The following HLCS variants were observed in gnomAD, a reference collection of about 807,000 sequenced individuals.
The protein encoded by HLCS is biotin--protein ligase.
In HLCS, 53 loss-of-function variants were observed where a neutral mutation model predicts 75.0. The ratio of observed to expected loss-of-function variants is 0.71; its 90% CI spans 0.57 to 0.89. The LOEUF is 0.89. Among genes scored for constraint, HLCS ranks in the 40% least tolerant of loss-of-function variants. The probability of loss-of-function intolerance (pLI) is 0.00; values close to 1 mark genes in which losing one functional copy is unlikely to be tolerated. For missense variants in HLCS, 966 were observed against 1,074.0 expected (o/e 0.90, Z 1.41); for synonymous variants, 431 against 428.6 (o/e 1.01, Z -0.07).
intron 6 of HLCS, among the ~76,000 whole-genome samples, chr21:36,869,560 A>G (rs2063700511): frequency 6.6e-6 from 1 of 152,194 alleles, no homozygotes; most frequent in Non-Finnish European, 1.5e-5. Flanking sequence ...TACTTTCAAA[A>G]TGCCCTTTGC....
At chr21:36,817,458 T>C (rs752059643) in intron 6 of HLCS, among the ~76,000 whole-genome samples, 2 of 152,182 alleles carry the variant, frequency 1.3e-5, no homozygotes, top group Non-Finnish European at 2.9e-5. Flanking sequence ...GGCTCAAGAT[T>C]AAAAAACATT....
intron 5 of HLCS, among the ~76,000 whole-genome samples, chr21:36,908,965 C>A (rs530448205): frequency 6.6e-6 from 1 of 152,026 alleles, no homozygotes; most frequent in Non-Finnish European, 1.5e-5. Context: ...GAGGCTGAGG[C>A]GGGCGGATCA....
chr21:36,805,690 A>G (rs1035709908), intron 6 of HLCS, among the ~76,000 whole-genome samples: 28 of 152,048 alleles, frequency 1.8e-4, no homozygotes, highest in African/African-American at 6.3e-4. Flanking sequence ...GCTCTCCGTG[A>G]CCTCTTGGTA....
intron 5 of HLCS, among the ~76,000 whole-genome samples, chr21:36,918,852 C>A (rs760493858): frequency 1.3e-5 from 2 of 152,210 alleles, no homozygotes; most frequent in Non-Finnish European, 2.9e-5. Flanking sequence ...TTGTTTCTCT[C>A]TCACATTTGT....
At chr21:36,859,074 T>C (rs776440088) in intron 6 of HLCS, among the ~76,000 whole-genome samples, 4 of 152,104 alleles carry the variant, frequency 2.6e-5, no homozygotes, top group Non-Finnish European at 5.9e-5. Flanking sequence ...CCAGGCTGGA[T>C]TGCAGTGGTG....
At chr21:36,980,196 T>TAAAA (rs113653823) in intron 1 of HLCS, among the ~76,000 whole-genome samples, 2,946 of 139,688 alleles carry the variant, frequency 0.021, 104 homozygotes, top group African/African-American at 0.066. Flanking sequence ...TGACTATATT[T>TAAAA]AAAAAAAAAA....
chr21:36,861,605 TCATTATTTAGCTCC>T (rs1247731526), intron 6 of HLCS, among the ~76,000 whole-genome samples: 2 of 152,198 alleles, frequency 1.3e-5, no homozygotes, highest in African/African-American at 2.4e-5. Context: ...TCATTGGTTC[TCATTATTTAGCTCC>T]CACTTGTAAG....
chr21:36,905,093 G>C (rs1026437111), intron 5 of HLCS, among the ~76,000 whole-genome samples: 1 of 152,144 alleles, frequency 6.6e-6, no homozygotes, highest in Non-Finnish European at 1.5e-5. Context: ...CACTTATCAC[G>C]ACTATACATA....
In HLCS at chr21:36,754,248, A is replaced by T. The variant is rs1601086590; in HGVS notation, c.2620T>A (p.Ter874LysextTer19). 1 of 1,613,968 alleles carries T rather than the reference A, an allele frequency of 6.2e-7. No homozygotes were observed. Among genetic ancestry groups the T allele is most frequent in the East Asian group, 2.2e-5 (1 of 44,874 alleles). Reference protein sequence around the residue: ...LRNLILPKRR* With the variant: ...LRNLILPKRRK The stretch of plus-strand genomic sequence containing the variant: ...CCGCGTCTCGGGGACGCCCGGCATT[A>T]CCGCCGTTTGGGGAGGATGAGGTTT... Residue 874 changes from the stop codon to lysine, a stop_lost, in exon 11 of 11, where the codon TAA (stop) becomes AAA (lysine). Transcript: ENST00000674895.
intron 4 of HLCS, among the ~76,000 whole-genome samples, chr21:36,933,720 A>G (rs189910996): frequency 7.9e-5 from 12 of 152,254 alleles, no homozygotes; most frequent in Admixed American, 2.6e-4. Flanking sequence ...ATTAACCCTT[A>G]CAGGTGGCAG....
At chr21:36,911,273 C>T (rs573249226) in intron 5 of HLCS, among the ~76,000 whole-genome samples, 1 of 152,240 alleles carries the variant, frequency 6.6e-6, no homozygotes, top group East Asian at 1.9e-4. Context: ...CTCCCCTGGC[C>T]TCTGGGTTAG....
intron 6 of HLCS, among the ~76,000 whole-genome samples, chr21:36,850,546 A>G (rs1032941960): frequency 6.6e-6 from 1 of 152,184 alleles, no homozygotes. Flanking sequence ...GCCAGCCCCA[A>G]TTCAGCAGGG....
At chr21:36,809,815 T>C (rs2061460238) in intron 6 of HLCS, among the ~76,000 whole-genome samples, 1 of 152,232 alleles carries the variant, frequency 6.6e-6, no homozygotes, top group African/African-American at 2.4e-5. Context: ...CATGGCTCAC[T>C]GCAGCCATGA....
At chr21:36,888,206 T>G (rs1196602276) in intron 6 of HLCS, among the ~76,000 whole-genome samples, 1 of 151,756 alleles carries the variant, frequency 6.6e-6, no homozygotes, top group African/African-American at 2.4e-5. Flanking sequence ...CAGCCCAATT[T>G]CTGTCCTCTC....
chr21:36,864,367 T>C (rs796874337), intron 6 of HLCS, among the ~76,000 whole-genome samples: 49 of 151,516 alleles, frequency 3.2e-4, no homozygotes, highest in African/African-American at 1.1e-3. Context: ...GCCACTGCAC[T>C]CCAGCCTGGG....
chr21:36,977,512 C>T (rs2154531), intron 1 of HLCS, among the ~76,000 whole-genome samples: 6,224 of 152,294 alleles, frequency 0.041, 435 homozygotes, highest in African/African-American at 0.14. Flanking sequence ...AGGGTTTGCA[C>T]AGAGGCAGCT....
intron 2 of HLCS, among the ~76,000 whole-genome samples, chr21:36,960,343 C>A (rs1326221395): frequency 6.6e-6 from 1 of 152,038 alleles, no homozygotes; most frequent in Non-Finnish European, 1.5e-5. Context: ...GAAACGACAC[C>A]CCAAGGATCC....
intron 6 of HLCS, among the ~76,000 whole-genome samples, chr21:36,835,459 T>C (rs926424173): frequency 3.9e-5 from 6 of 152,212 alleles, no homozygotes; most frequent in Admixed American, 6.5e-5. Context: ...GAAGTCATAA[T>C]TTCTCTAGAT....
At chr21:36,827,189 A>C (rs892992120) in intron 6 of HLCS, among the ~76,000 whole-genome samples, 1 of 152,178 alleles carries the variant, frequency 6.6e-6, no homozygotes, top group African/African-American at 2.4e-5. Flanking sequence ...GGAGTAAAAA[A>C]GGATGAGGAG....
Sources: gnomAD v4.1 joint callset for allele counts (sites outside exome capture counted in the v4.1 genomes callset) on GRCh38, gnomAD v4.1.1 for gene constraint, MANE v1.5 for transcripts, NCBI Gene and HGNC (gene_info 2026-07-23, HGNC 2026-07-21) for gene names.